The following EPHA7 variants were observed in gnomAD, a reference collection of about 807,000 sequenced individuals.
EPHA7 encodes the protein ephrin type-A receptor 7.
In EPHA7, 25 loss-of-function variants were observed where a neutral mutation model predicts 112.6. The observed-to-expected ratio is 0.22, with a 90% CI of 0.16 to 0.31. EPHA7 has a LOEUF of 0.31. EPHA7 is among the 10% of genes least tolerant of loss of function. The pLI, the probability that EPHA7 is intolerant of heterozygous loss-of-function variation, is 1.00. For missense variants in EPHA7, 962 were observed against 1,212.6 expected, an observed-to-expected ratio of 0.79 and a Z score of 3.07; for synonymous variants, 437 against 406.5, an observed-to-expected ratio of 1.07 and a Z score of -0.90.
intron 3 of EPHA7, among the ~76,000 whole-genome samples, chr6:93,396,390 T>C (rs1778172706): frequency 6.6e-6 from 1 of 151,860 alleles, no homozygotes; most frequent in Non-Finnish European, 1.5e-5. Context: ...ATTTTGCTTT[T>C]TACTAGTGGC....
Position 93,255,798 on chromosome 6 carries a change from G to T in EPHA7, c.2382+30C>A, listed in dbSNP as rs761685972. The T allele has an allele frequency of 3.8e-6, 6 of 1,565,950 alleles. No homozygotes were observed. In the African/African-American group the frequency reaches 5.4e-5, roughly 14 times the overall value. ...CGTGGTAGAAAAATCTTAAGAATAT[G>T]AAGAAGTGCAGTAAATGACTTTTTC... On this transcript the variant is annotated intron_variant, in intron 13 of 16. Transcript: ENST00000369303.
At chr6:93,409,397 T>C (rs990380757) in intron 3 of EPHA7, among the ~76,000 whole-genome samples, 5 of 152,060 alleles carry the variant, frequency 3.3e-5, no homozygotes. Flanking sequence ...ATTTTTTTAT[T>C]GTGTAAAACA....
At chr6:93,292,400 T>C (rs562821818) in intron 5 of EPHA7, among the ~76,000 whole-genome samples, 132 of 152,316 alleles carry the variant, frequency 8.7e-4, no homozygotes, top group African/African-American at 2.9e-3. Context: ...TCTAAACTGC[T>C]GATACCATTT....
intron 5 of EPHA7, among the ~76,000 whole-genome samples, chr6:93,334,335 C>T (rs1018831060): frequency 4.0e-5 from 6 of 151,568 alleles, no homozygotes; most frequent in Admixed American, 3.3e-4. Context: ...AGACATAGGC[C>T]CTGGCAAAGA....
At chr6:93,418,956 C>T (rs539720661) in intron 1 of EPHA7, among the ~76,000 whole-genome samples, 4 of 152,306 alleles carry the variant, frequency 2.6e-5, no homozygotes, top group South Asian at 4.1e-4. Context: ...TTCCTCCAAC[C>T]CCACCCCACC....
At chr6:93,270,393 C>T in intron 6 of EPHA7, among the ~76,000 whole-genome samples, 1 of 150,930 alleles carries the variant, frequency 6.6e-6, no homozygotes, top group South Asian at 2.1e-4. Context: ...ATTTTATGTG[C>T]ATATATAGTA....
intron 5 of EPHA7, among the ~76,000 whole-genome samples, chr6:93,283,294 C>A (rs1426314935): frequency 6.6e-6 from 1 of 152,114 alleles, no homozygotes; most frequent in Non-Finnish European, 1.5e-5. Context: ...CACCAATCAG[C>A]ACCCTGTCAA....
chr6:93,355,620 A>G (rs996253689), intron 5 of EPHA7, among the ~76,000 whole-genome samples: 7 of 152,222 alleles, frequency 4.6e-5, no homozygotes, highest in Admixed American at 4.6e-4. Flanking sequence ...ATCTTCAGCA[A>G]TAAGAATTTT....
At chr6:93,404,160 G>A (rs1353351863) in intron 3 of EPHA7, among the ~76,000 whole-genome samples, 3 of 151,968 alleles carry the variant, frequency 2.0e-5, no homozygotes, top group Non-Finnish European at 4.4e-5. Context: ...GAAGCCTGAA[G>A]CTTTCTGAAT....
At chr6:93,271,449 G>T (rs892665212) in intron 6 of EPHA7, among the ~76,000 whole-genome samples, 3 of 151,754 alleles carry the variant, frequency 2.0e-5, no homozygotes, top group African/African-American at 4.8e-5. Context: ...AGGTAACTCA[G>T]GTAAGCCAAA....
At chr6:93,365,300 A>T (rs541681775) in intron 3 of EPHA7, among the ~76,000 whole-genome samples, 1 of 152,308 alleles carries the variant, frequency 6.6e-6, no homozygotes, top group African/African-American at 2.4e-5. Flanking sequence ...GGGCTTTAAC[A>T]TTGTTGTAAA....
At chr6:93,416,566 C>T (rs978317176) in intron 1 of EPHA7, among the ~76,000 whole-genome samples, 9 of 152,178 alleles carry the variant, frequency 5.9e-5, no homozygotes, top group African/African-American at 1.9e-4. Flanking sequence ...GGCCCGAGAA[C>T]GTTTAATCGG....
At chr6:93,395,812 A>T (rs1778142142) in intron 3 of EPHA7, among the ~76,000 whole-genome samples, 1 of 151,886 alleles carries the variant, frequency 6.6e-6, no homozygotes, top group African/African-American at 2.4e-5. Flanking sequence ...ACTGAAGAAG[A>T]TGGATGATCC....
chr6:93,339,677 T>C (rs1048616952), intron 5 of EPHA7, among the ~76,000 whole-genome samples: 3 of 151,790 alleles, frequency 2.0e-5, no homozygotes, highest in South Asian at 2.1e-4. Flanking sequence ...CATTATTACA[T>C]AGAAACTGAT....
chr6:93,365,653 C>G (rs923381457), intron 3 of EPHA7, among the ~76,000 whole-genome samples: 3 of 152,100 alleles, frequency 2.0e-5, no homozygotes, highest in Admixed American at 2.0e-4. Flanking sequence ...TGAGAATGAA[C>G]AGCGAGCAGG....
chr6:93,392,617 TA>T (rs1268814888), intron 3 of EPHA7, among the ~76,000 whole-genome samples: 2 of 152,026 alleles, frequency 1.3e-5, no homozygotes, highest in Admixed American at 6.6e-5. Context: ...CTTATTTTTC[TA>T]CAAGTAATTC....
At chr6:93,379,243 GA>G (rs1777215873) in intron 3 of EPHA7, among the ~76,000 whole-genome samples, 1 of 151,914 alleles carries the variant, frequency 6.6e-6, no homozygotes, top group Admixed American at 6.6e-5. Flanking sequence ...TAGGTAGAAA[GA>G]AAAATTAAAA....
intron 5 of EPHA7, among the ~76,000 whole-genome samples, chr6:93,310,996 T>C (rs900118518): frequency 6.6e-6 from 1 of 151,888 alleles, no homozygotes; most frequent in African/African-American, 2.4e-5. Flanking sequence ...TTTTTGAGTG[T>C]CTTGCTACAG....
At chr6:93,368,746 T>C (rs1776637469) in intron 3 of EPHA7, among the ~76,000 whole-genome samples, 1 of 152,120 alleles carries the variant, frequency 6.6e-6, no homozygotes, top group African/African-American at 2.4e-5. Flanking sequence ...CTTTTCACTA[T>C]CAGTTTTCTG....
Sources: gnomAD v4.1 joint callset for allele counts (sites outside exome capture counted in the v4.1 genomes callset) on GRCh38, gnomAD v4.1.1 for gene constraint, MANE v1.5 for transcripts, NCBI Gene and HGNC (gene_info 2026-07-23, HGNC 2026-07-21) for gene names.